MYOM2: variants seen among roughly 807,000 people sequenced by gnomAD.
MYOM2 encodes the protein myomesin 2.
In MYOM2, 254 loss-of-function variants were observed where a neutral mutation model predicts 187.6. That is an observed-to-expected ratio of 1.35 (90% confidence interval 1.22 to 1.50). The LOEUF (loss-of-function observed/expected upper bound fraction) is 1.50, where lower values mean the gene tolerates loss of function less well. MYOM2 is among the 40% of genes most tolerant of loss of function. The pLI is 0.00. For synonymous variants in MYOM2, 981 were observed against 753.8 expected, an observed-to-expected ratio of 1.30 and a Z score of -4.94; for missense variants, 2,796 against 1,924.0, an observed-to-expected ratio of 1.45 and a Z score of -8.48.
intron 6 of MYOM2, among the ~76,000 whole-genome samples, chr8:2,060,387 A>C (rs1818812803): frequency 6.6e-6 from 1 of 152,174 alleles, no homozygotes; most frequent in African/African-American, 2.4e-5. Context: ...GTGAGACTCC[A>C]ATAAGAAGAT....
In MYOM2 at chr8:2,109,396, A is replaced by G; in HGVS notation, c.3045A>G (p.Thr1015=). Residue 1015 remains threonine (T), a splice_region_variant and synonymous_variant, in exon 25 of 37, where the codon ACA becomes ACG. Transcript: ENST00000262113. ...MALSNEIKNP[T]IPLKSELAYE... is the part of the protein sequence containing the mutation. Reference sequence around the variant, plus strand: ...TTGCGATTTCTTTTCTTCCTGTAGCAATTCCTCTGAAATCGGAATTAGCTT... The same window carrying G: ...TTGCGATTTCTTTTCTTCCTGTAGCGATTCCTCTGAAATCGGAATTAGCTT... 6.2e-7 allele frequency: 1 copy of G among 1,602,884 alleles called. No homozygotes were observed. The highest frequency in any genetic ancestry group is 2.3e-5 in the East Asian group (1 of 44,358).
intron 32 of MYOM2, among the ~76,000 whole-genome samples, chr8:2,134,616 C>T (rs1057309486): frequency 2.0e-5 from 3 of 150,838 alleles, no homozygotes; most frequent in Non-Finnish European, 4.4e-5. Flanking sequence ...TGCTGGGAGG[C>T]GCTGGCCTCT....
At position 2,085,385 on chromosome 8, in the gene MYOM2, G is replaced by C. The variant is rs1314020623; in HGVS notation, c.1639G>C (p.Glu547Gln). Residue 547 changes from glutamate to glutamine, a missense_variant, in exon 14 of 37, where the codon GAG (glutamate) becomes CAG (glutamine). Physicochemically the swap from Glu to Gln is conservative, Grantham distance 29 (BLOSUM62 2). Transcript: ENST00000262113. ...CAAGGACCCGCTCATGTACTTCATT[G>C]AGAAGGTAAACTCCGGGCCCGTGTC... ...RGKDPLMYFI[E>Q]KSVVGSGSWQ... 3 of 1,610,076 alleles carry C rather than the reference G, an allele frequency of 1.9e-6. No homozygotes were observed. Among genetic ancestry groups the C allele is most frequent in the Non-Finnish European group, 2.5e-6 (3 of 1,178,740 alleles).
At chr8:2,077,044 G>T (rs1290150085) in intron 11 of MYOM2, among the ~76,000 whole-genome samples, 1 of 152,220 alleles carries the variant, frequency 6.6e-6, no homozygotes, top group Non-Finnish European at 1.5e-5. Context: ...GGGCACGGTG[G>T]CTCACGCCTG....
chr8:2,047,783 G>A (rs1818356308), intron 1 of MYOM2, among the ~76,000 whole-genome samples: 1 of 152,220 alleles, frequency 6.6e-6, no homozygotes, highest in South Asian at 2.1e-4. Flanking sequence ...ATTGCAGGAA[G>A]TGTGCACACG....
Position 2,102,757 on chromosome 8 carries a change from C to A in MYOM2, c.2710C>A (p.Pro904Thr), listed in dbSNP as rs749206200. 6.2e-7 allele frequency: 1 copy of A among 1,613,862 alleles called. No individual in the cohort carries two copies. Among genetic ancestry groups the A allele is most frequent in the Non-Finnish European group, 8.5e-7 (1 of 1,179,764 alleles). Reference protein sequence around the residue: ...GVGKPSDTSEPVLVEARPGTK... With the variant: ...GVGKPSDTSETVLVEARPGTK... ...GGGGAAGCCCTCAGACACGTCGGAG[C>A]CTGTGCTGGTAGAGGCGAGACCAGG... Residue 904 changes from proline to threonine, a missense_variant, in exon 21 of 37, where the codon CCT becomes ACT. Physicochemically the swap from Pro to Thr is conservative, Grantham distance 38. Transcript: ENST00000262113.
intron 33 of MYOM2, 99 bp downstream of exon 33, chr8:2,140,985 A>G: frequency 2.2e-6 from 3 of 1,363,552 alleles, no homozygotes; most frequent in South Asian, 1.6e-5. Context: ...AGACAATATG[A>G]ATTTACAATT....
intron 12 of MYOM2, among the ~76,000 whole-genome samples, 186 bp downstream of exon 12, chr8:2,079,119 G>A (rs1819534766): frequency 6.6e-6 from 1 of 152,150 alleles, no homozygotes; most frequent in Non-Finnish European, 1.5e-5. Context: ...ATGAAAACGG[G>A]CTGACGTACA....
At position 2,078,757 on chromosome 8, in the gene MYOM2, G is replaced by A. The variant is rs1398813443; in HGVS notation, c.1286G>A (p.Trp429Ter). The change falls in exon 12 of 37, where the codon TGG becomes TAG. Residue 429 changes from tryptophan (W) to a stop codon, truncating the protein, a stop_gained. Transcript: ENST00000262113. LOFTEE classifies it high-confidence loss of function. Reference sequence around the variant, plus strand: ...AGATGTGAAGTAGGAACGAATAATTGGGTGCAGTGCAATGATGCACCGGTG... The same window carrying A: ...AGATGTGAAGTAGGAACGAATAATTAGGTGCAGTGCAATGATGCACCGGTG... ...VDRCEVGTNN[W>*]VQCNDAPVKI... 5.6e-6 allele frequency: 9 copies of A among 1,613,932 alleles called. No individual in the cohort carries two copies. The highest frequency in any genetic ancestry group is 2.7e-5 in the African/African-American group (2 of 74,870).
Position 2,085,511 on chromosome 8 carries a change from C to CACTGTCATGATCTCTTT in MYOM2, c.1644+121_1644+122insACTGTCATGATCTCTTT. The CACTGTCATGATCTCTTT allele has an allele frequency of 5.8e-6, 5 of 867,710 alleles. 1 individual carries two copies. Among genetic ancestry groups the CACTGTCATGATCTCTTT allele is most frequent in the Non-Finnish European group, 6.4e-6 (4 of 626,214 alleles). 53.8% of individuals were successfully genotyped at this position (867,710 alleles called of 1,614,324 possible). On this transcript the variant is annotated intron_variant, in intron 14 of 36. Coordinates refer to ENST00000262113, the MANE Select transcript of MYOM2 (RefSeq NM_003970.4). Reference sequence around the variant, plus strand: ...TGGCCCCTCACTGTTGTGATCTCCGCGTGGCCCCCCACTGTTGTGATCTCT... The same window carrying CACTGTCATGATCTCTTT: ...TGGCCCCTCACTGTTGTGATCTCCGCACTGTCATGATCTCTTTGTGGCCCCCCACTGTTGTGATCTCT...
At chr8:2,084,318 T>A (rs1234148867) in intron 13 of MYOM2, among the ~76,000 whole-genome samples, 2 of 152,206 alleles carry the variant, frequency 1.3e-5, no homozygotes, top group Non-Finnish European at 2.9e-5. Context: ...TAATGCGCTG[T>A]GCAACAGGGC....
chr8:2,107,215 C>G (rs558728794), intron 23 of MYOM2, among the ~76,000 whole-genome samples: 79 of 152,110 alleles, frequency 5.2e-4, no homozygotes, highest in African/African-American at 1.9e-3. Flanking sequence ...TTTGTGTGGC[C>G]CGTCATCTAC....
chr8:2,083,201 GTTCA>G (rs1563441564), intron 13 of MYOM2, among the ~76,000 whole-genome samples: 1 of 152,150 alleles, frequency 6.6e-6, no homozygotes, highest in Non-Finnish European at 1.5e-5. Context: ...TCTCTCACTG[GTTCA>G]TTTAGTATTG....
At chr8:2,088,938 A>G (rs554309816) in intron 14 of MYOM2, among the ~76,000 whole-genome samples, 1 of 152,226 alleles carries the variant, frequency 6.6e-6, no homozygotes, top group Non-Finnish European at 1.5e-5. Context: ...AAGCTCTCCT[A>G]TAGACACCTG....
rs1374135962 is a variant in MYOM2 at position 2,045,168 on chromosome 8, GGTAA to G, written c.-13+3_-13+6del. ...TCCTTGCAATTTTCCTTTCTGTCTG[GGTAA>G]GTGTCTTTCTCTTCTTGCCTTTTCT... On this transcript the variant is annotated splice_donor_variant and splice_donor_region_variant and intron_variant, in intron 1 of 36. Coordinates refer to ENST00000262113, the MANE Select transcript of MYOM2 (RefSeq NM_003970.4). LOFTEE classifies it low-confidence loss of function (5UTR_SPLICE). The G allele has an allele frequency of 6.6e-6, 1 of 152,326 alleles. No homozygotes were observed. The highest frequency in any genetic ancestry group is 2.4e-5 in the African/African-American group (1 of 41,394). The allele number at this position is 152,326 out of a possible 1,614,324, so 9.4% of individuals were successfully genotyped here.
rs779024538 is a variant in MYOM2, at chr8:2,099,002, G to A, written c.2440+19G>A. ...GAGCCCGGTGAGTCGCTGCCCCCAG[G>A]ACACCCGCGTTCCAGCGCACAGGCT... is the stretch of plus-strand genomic sequence containing the variant. On this transcript the variant is annotated intron_variant, in intron 19 of 36. Coordinates refer to ENST00000262113, the MANE Select transcript of MYOM2 (RefSeq NM_003970.4). 8 of 1,589,918 alleles carry A rather than the reference G, an allele frequency of 5.0e-6. No individual in the cohort carries two copies. In the South Asian group the frequency reaches 6.7e-5, roughly 13 times the overall value.
chr8:2,088,328 T>A (rs771513438), intron 14 of MYOM2, among the ~76,000 whole-genome samples: 2 of 152,194 alleles, frequency 1.3e-5, no homozygotes, highest in African/African-American at 2.4e-5. Context: ...CCTGTGCAAG[T>A]TCTGACAGGG....
intron 6 of MYOM2, among the ~76,000 whole-genome samples, chr8:2,063,594 AG>A (rs1299579833): frequency 6.6e-6 from 1 of 152,316 alleles, no homozygotes; most frequent in East Asian, 1.9e-4. Flanking sequence ...TTCTTTGCTG[AG>A]TGATTTTAGG....
At chr8:2,067,602 G>T (rs936189742) in intron 6 of MYOM2, among the ~76,000 whole-genome samples, 1 of 152,120 alleles carries the variant, frequency 6.6e-6, no homozygotes, top group Admixed American at 6.5e-5. Flanking sequence ...ACCCCCTCTT[G>T]TCTCCATTTC....
Sources: allele counts gnomAD v4.1 joint callset (sites outside exome capture counted in the v4.1 genomes callset), GRCh38; gene constraint gnomAD v4.1.1; transcripts MANE v1.5; gene names NCBI Gene and HGNC (gene_info 2026-07-23, HGNC 2026-07-21).